CELF2: variants seen among roughly 807,000 people sequenced by gnomAD.
The protein encoded by CELF2 is CUG triplet repeat RNA-binding protein 2.
A neutral mutation model predicts 62.6 loss-of-function variants in CELF2; 8 were observed. That is an observed-to-expected ratio of 0.13 (90% CI 0.07 to 0.23). CELF2 has a LOEUF of 0.23. CELF2 is among the 10% of genes least tolerant of loss of function. The probability of loss-of-function intolerance (pLI) is 1.00; values close to 1 mark genes in which losing one functional copy is unlikely to be tolerated. For synonymous variants in CELF2, 258 were observed against 250.0 expected, an observed-to-expected ratio of 1.03 and a Z score of -0.30; for missense variants, 333 against 671.0, an observed-to-expected ratio of 0.50 and a Z score of 5.56.
chr10:10,552,562 C>G, the CELF2 span, among the ~76,000 whole-genome samples: 1 of 152,104 alleles, frequency 6.6e-6, no homozygotes, highest in African/African-American at 2.4e-5. Flanking sequence ...TGTTTCCAGC[C>G]ATGAAATGAA....
intron 2 of CELF2, among the ~76,000 whole-genome samples, chr10:11,182,456 T>TG (rs1432560830): frequency 6.6e-6 from 1 of 152,196 alleles, no homozygotes; most frequent in Non-Finnish European, 1.5e-5. Context: ...ATGATATACT[T>TG]TGCCCCTAGT....
intron 2 of CELF2, among the ~76,000 whole-genome samples, chr10:11,184,420 G>A (rs528677210): frequency 6.6e-6 from 1 of 152,250 alleles, no homozygotes; most frequent in African/African-American, 2.4e-5. Context: ...GATCATTTGG[G>A]CAGTTTTTAC....
chr10:10,517,043 G>A, the CELF2 span, among the ~76,000 whole-genome samples: 1 of 152,124 alleles, frequency 6.6e-6, no homozygotes, highest in Admixed American at 6.6e-5. Flanking sequence ...AGAGCTGTGT[G>A]GAAACAGCAG....
the CELF2 span, among the ~76,000 whole-genome samples, chr10:10,696,940 C>T: frequency 6.6e-6 from 1 of 152,208 alleles, no homozygotes; most frequent in Non-Finnish European, 1.5e-5. Flanking sequence ...AATCACCCGT[C>T]TTCTGCGTCG....
At chr10:10,888,877 C>A (rs143463944) in intron 1 of CELF2, among the ~76,000 whole-genome samples, 1 of 152,284 alleles carries the variant, frequency 6.6e-6, no homozygotes, top group African/African-American at 2.4e-5. Context: ...ATAACATGGT[C>A]TGTCTCCCCC....
rs139235357 is a variant in CELF2 at position 10,940,285 on chromosome 10, T to G, written c.89+20286T>G. ...TTTTTACAAGATTAGCATATGTTTA[T>G]GTTTGATTATTCAAGATAAATCAGT... On this transcript the variant is annotated intron_variant, in intron 2 of 13. Transcript: ENST00000636488. Among the ~76,000 whole-genome samples the G allele has an allele frequency of 2.0e-3, 309 of 152,336 alleles. 2 individuals carry two copies. Among genetic ancestry groups the G allele is most frequent in the African/African-American group, 4.3e-3 (178 of 41,578 alleles).
chr10:10,492,724 T>G, the CELF2 span, among the ~76,000 whole-genome samples: 1 of 152,222 alleles, frequency 6.6e-6, no homozygotes, highest in African/African-American at 2.4e-5. Context: ...TATCAGTTAC[T>G]GAAATGGTTT....
the CELF2 span, among the ~76,000 whole-genome samples, chr10:10,782,629 TAA>T: frequency 1.3e-5 from 2 of 152,228 alleles, no homozygotes; most frequent in African/African-American, 4.8e-5. Flanking sequence ...CCCTTGCCAG[TAA>T]ACAATCTTTA....
chr10:10,553,156 C>A, the CELF2 span, among the ~76,000 whole-genome samples: 1 of 152,178 alleles, frequency 6.6e-6, no homozygotes, highest in African/African-American at 2.4e-5. Context: ...AAAGGGGAAG[C>A]AAACACACCT....
intron 1 of CELF2, among the ~76,000 whole-genome samples, chr10:11,056,269 GT>G (rs2065219257): frequency 6.6e-6 from 1 of 152,202 alleles, no homozygotes; most frequent in Non-Finnish European, 1.5e-5. Flanking sequence ...TATTTGTGGG[GT>G]TATTCCTTAA....
At chr10:10,713,177 G>A in the CELF2 span, among the ~76,000 whole-genome samples, 1 of 152,126 alleles carries the variant, frequency 6.6e-6, no homozygotes, top group African/African-American at 2.4e-5. Context: ...TCCTCAAAAG[G>A]CCTTCGTAAC....
At chr10:10,575,496 T>C in the CELF2 span, among the ~76,000 whole-genome samples, 5 of 152,228 alleles carry the variant, frequency 3.3e-5, no homozygotes, top group African/African-American at 1.2e-4. Flanking sequence ...TTGTTGAGTG[T>C]GTTTTATGCA....
At chr10:10,742,336 A>C in the CELF2 span, among the ~76,000 whole-genome samples, 3 of 152,254 alleles carry the variant, frequency 2.0e-5, no homozygotes, top group South Asian at 6.2e-4. Flanking sequence ...ATCTCCTTAC[A>C]ATACTCTTTT....
chr10:11,172,117 A>C (rs1187598634), intron 2 of CELF2, among the ~76,000 whole-genome samples: 1 of 152,206 alleles, frequency 6.6e-6, no homozygotes, highest in East Asian at 1.9e-4. Context: ...TCTGTCCTAC[A>C]TTTCTTGAAA....
rs76597671 is a variant in CELF2 at position 11,007,429 on chromosome 10, G to A, written c.53+1989G>A. On this transcript the variant is annotated intron_variant, in intron 1 of 12. Transcript: ENST00000416382. ...CAGGATTATTAAAATAAATGTTACCGGATAAATAGAATTGCCTTCTAAAGT... is the reference window on the plus strand; with the variant it reads ...CAGGATTATTAAAATAAATGTTACCAGATAAATAGAATTGCCTTCTAAAGT... Among the ~76,000 whole-genome samples, 1,498 of 152,118 alleles carry A rather than the reference G, an allele frequency of 9.8e-3. 21 individuals carry two copies. Among genetic ancestry groups the A allele is most frequent in the African/African-American group, 0.034 (1,407 of 41,466 alleles).
intron 1 of CELF2, among the ~76,000 whole-genome samples, chr10:11,093,204 G>A (rs2048811645): frequency 6.6e-6 from 1 of 152,152 alleles, no homozygotes; most frequent in African/African-American, 2.4e-5. Flanking sequence ...TCAATCATTT[G>A]TGGGACATTT....
rs1042512015 is a variant in CELF2, at chr10:11,046,210, C to T, written c.74+28047C>T. 6.6e-6 allele frequency among the ~76,000 whole-genome samples: 1 copy of T among 152,164 alleles called. No individual in the cohort carries two copies. The highest frequency in any genetic ancestry group is 2.4e-5 in the African/African-American group (1 of 41,432). On this transcript the variant is annotated intron_variant, in intron 1 of 12. Transcript: ENST00000633077. The surrounding 1 kb of genome is among the most constrained non-coding windows in gnomAD (Gnocchi z 4.6). Reference sequence around the variant, plus strand: ...GCACCGCTTGTCTAACAACACCGAACGCTGGGCCCATCCCCAGACGTTCCG... The same window carrying T: ...GCACCGCTTGTCTAACAACACCGAATGCTGGGCCCATCCCCAGACGTTCCG...
rs1591368621 is a variant in CELF2, at chr10:11,315,842, T to C, written c.1096+1584T>C. 6.6e-6 allele frequency among the ~76,000 whole-genome samples: 1 copy of C among 152,356 alleles called. No homozygotes were observed. Among genetic ancestry groups the C allele is most frequent in the Non-Finnish European group, 1.5e-5 (1 of 68,034 alleles). On this transcript the variant is annotated intron_variant, in intron 10 of 12. Transcript: ENST00000633077. The surrounding 1 kb of genome is among the most constrained non-coding windows in gnomAD (Gnocchi z 5.8). Reference sequence around the variant, plus strand: ...GTCCTTCACCTAGGTCGAGGACGCGTGTGCTCGCACACATCCCCTCATGCT... The same window carrying C: ...GTCCTTCACCTAGGTCGAGGACGCGCGTGCTCGCACACATCCCCTCATGCT...
intron 2 of CELF2, among the ~76,000 whole-genome samples, chr10:10,968,557 C>T (rs757972986): frequency 1.9e-4 from 29 of 152,024 alleles, no homozygotes; most frequent in Admixed American, 1.0e-3. Flanking sequence ...GTACAGGGAG[C>T]AGGGTTTCTT....
Sources: gnomAD v4.1 joint callset for allele counts (sites outside exome capture counted in the v4.1 genomes callset) on GRCh38, gnomAD v4.1.1 for gene constraint, Gnocchi (gnomAD v3.1) non-coding constraint, MANE v1.5 for transcripts, NCBI Gene and HGNC (gene_info 2026-07-23, HGNC 2026-07-21) for gene names.